Variants in MLLT3 observed in about 807,000 individuals in gnomAD.
The protein encoded by MLLT3 is protein AF-9.
A neutral mutation model predicts 53.2 loss-of-function variants in MLLT3; 4 were observed. That is an observed-to-expected ratio of 0.08 (90% CI 0.04 to 0.17). MLLT3 has a LOEUF of 0.17. Among genes scored for constraint, MLLT3 ranks in the 10% least tolerant of loss-of-function variants. The pLI, the probability that MLLT3 is intolerant of heterozygous loss-of-function variation, is 1.00. For missense variants in MLLT3, 569 were observed against 684.0 expected, an observed-to-expected ratio of 0.83 and a Z score of 1.87; for synonymous variants, 283 against 230.6, an observed-to-expected ratio of 1.23 and a Z score of -2.06.
chr9:20,438,589 T>C (rs920451408), intron 4 of MLLT3, among the ~76,000 whole-genome samples: 19 of 152,136 alleles, frequency 1.2e-4, no homozygotes, highest in African/African-American at 3.4e-4. Flanking sequence ...AAGCTAATTT[T>C]ATTTTATTTT....
chr9:20,488,646 T>C (rs1824871848), intron 2 of MLLT3, among the ~76,000 whole-genome samples: 1 of 152,132 alleles, frequency 6.6e-6, no homozygotes, highest in African/African-American at 2.4e-5. Context: ...TAAAAAGCAA[T>C]ATACAGAATC....
chr9:20,504,847 T>C (rs1408368378), intron 2 of MLLT3, among the ~76,000 whole-genome samples: 1 of 152,144 alleles, frequency 6.6e-6, no homozygotes, highest in Non-Finnish European at 1.5e-5. Flanking sequence ...ACTATAAATA[T>C]GTATAATTTT....
intron 2 of MLLT3, among the ~76,000 whole-genome samples, chr9:20,497,221 C>T (rs945581519): frequency 6.6e-6 from 1 of 152,214 alleles, no homozygotes; most frequent in Non-Finnish European, 1.5e-5. Flanking sequence ...GTCTAAACCC[C>T]TCTGACCTCC....
chr9:20,435,050 G>C (rs953207102), intron 4 of MLLT3, among the ~76,000 whole-genome samples: 1 of 152,068 alleles, frequency 6.6e-6, no homozygotes, highest in African/African-American at 2.4e-5. Context: ...TTAGTCTTTA[G>C]AGACTCAGAG....
intron 2 of MLLT3, among the ~76,000 whole-genome samples, chr9:20,498,266 A>AAAAAAAAAAAAAAAAAAAAAG: frequency 1.0e-5 from 1 of 98,284 alleles, no homozygotes; most frequent in Non-Finnish European, 2.1e-5. Flanking sequence ...AAAAAAAAAA[A>AAAAAAAAAAAAAAAAAAAAAG]GTTCTTCTAG....
intron 9 of MLLT3, among the ~76,000 whole-genome samples, chr9:20,354,531 C>T (rs1306372506): frequency 1.3e-5 from 2 of 152,226 alleles, no homozygotes; most frequent in African/African-American, 2.4e-5. Context: ...ATCTCTACCA[C>T]AATTCTCTTA....
At chr9:20,535,459 G>C (rs1455311122) in intron 2 of MLLT3, among the ~76,000 whole-genome samples, 1 of 152,012 alleles carries the variant, frequency 6.6e-6, no homozygotes, top group Non-Finnish European at 1.5e-5. Context: ...GAAAGCCCTG[G>C]TGCCAAAGAG....
intron 5 of MLLT3, among the ~76,000 whole-genome samples, chr9:20,383,596 C>T (rs766761329): frequency 1.3e-5 from 2 of 151,918 alleles, no homozygotes; most frequent in East Asian, 1.9e-4. Context: ...TAGGACAGAA[C>T]ACTGAATAAA....
chr9:20,498,928 CA>C (rs1825150355), intron 2 of MLLT3, among the ~76,000 whole-genome samples: 1 of 152,144 alleles, frequency 6.6e-6, no homozygotes, highest in Non-Finnish European at 1.5e-5. Flanking sequence ...CAAAATACCA[CA>C]AATAGGGTGG....
rs1820774177 is a variant in MLLT3, at chr9:20,342,989, ACT to A, written c.*3452_*3453del. ...AATAAACACGAGCCACCAAACAGAC[ACT>A]GACTGTTTCCAACACTGGACATCCA... On this transcript the variant is annotated 3_prime_UTR_variant, in exon 11 of 11. Transcript: ENST00000380338. 1 of 192,402 alleles carries A rather than the reference ACT, an allele frequency of 5.2e-6. No individual in the cohort carries two copies. Among genetic ancestry groups the A allele is most frequent in the South Asian group, 1.9e-4 (1 of 5,148 alleles). 11.9% of individuals were successfully genotyped at this position (192,402 alleles called of 1,614,324 possible). A position where few individuals can be genotyped will look rare whatever the true frequency, so the allele number is the denominator to read the frequency against.
chr9:20,474,958 T>G (rs1281226851), intron 2 of MLLT3, among the ~76,000 whole-genome samples: 4 of 152,080 alleles, frequency 2.6e-5, no homozygotes, highest in Admixed American at 6.6e-5. Context: ...TAGAGTAACT[T>G]AATGCTATGA....
At chr9:20,604,782 T>C (rs909040130) in intron 2 of MLLT3, among the ~76,000 whole-genome samples, 14 of 152,266 alleles carry the variant, frequency 9.2e-5, no homozygotes, top group Admixed American at 3.3e-4. Flanking sequence ...TTCTATTTCA[T>C]TTTCAGCCAA....
chr9:20,372,597 A>G (rs1331322011), intron 5 of MLLT3, among the ~76,000 whole-genome samples: 2 of 114,490 alleles, frequency 1.7e-5, no homozygotes, highest in Non-Finnish European at 3.4e-5. Context: ...TTTAGTAGAG[A>G]CGGGGTTTCA....
At chr9:20,491,692 G>A (rs1043006484) in intron 2 of MLLT3, among the ~76,000 whole-genome samples, 6 of 152,092 alleles carry the variant, frequency 3.9e-5, no homozygotes, top group Non-Finnish European at 7.4e-5. Flanking sequence ...AACAGTAAGT[G>A]TCAAAAAGTA....
intron 4 of MLLT3, among the ~76,000 whole-genome samples, chr9:20,437,467 C>A (rs1337617275): frequency 2.0e-5 from 3 of 151,984 alleles, no homozygotes; most frequent in Admixed American, 2.0e-4. Flanking sequence ...ATAAAATGAT[C>A]CCAGGGGTTG....
At chr9:20,617,148 C>A (rs992975163) in intron 2 of MLLT3, among the ~76,000 whole-genome samples, 8 of 152,164 alleles carry the variant, frequency 5.3e-5, no homozygotes, top group Non-Finnish European at 1.0e-4. Flanking sequence ...AACAGTCACT[C>A]ATCTTCATTT....
chr9:20,607,079 T>C (rs1820588737), intron 2 of MLLT3, among the ~76,000 whole-genome samples: 1 of 152,116 alleles, frequency 6.6e-6, no homozygotes, highest in Admixed American at 6.6e-5. Flanking sequence ...TCATCTACCA[T>C]AGTTTTGTCT....
At chr9:20,445,993 C>A (rs1254261383) in intron 4 of MLLT3, among the ~76,000 whole-genome samples, 1 of 152,000 alleles carries the variant, frequency 6.6e-6, no homozygotes, top group Non-Finnish European at 1.5e-5. Context: ...AGCCAGGTAT[C>A]AATAATATAA....
chr9:20,372,535 C>G (rs1044495654), intron 5 of MLLT3, among the ~76,000 whole-genome samples: 24 of 151,510 alleles, frequency 1.6e-4, no homozygotes, highest in African/African-American at 5.8e-4. Flanking sequence ...CTACAGGCAC[C>G]CGCCACCACG....
Sources: gnomAD v4.1 joint callset for allele counts (sites outside exome capture counted in the v4.1 genomes callset) on GRCh38, gnomAD v4.1.1 for gene constraint, MANE v1.5 for transcripts, NCBI Gene and HGNC (gene_info 2026-07-23, HGNC 2026-07-21) for gene names.